The following NRG3 variants were observed in gnomAD, a reference collection of about 807,000 sequenced individuals.
NRG3 encodes neuregulin 3, also known as pro-neuregulin-3, membrane-bound isoform.
Under a neutral mutation model 66.9 loss-of-function variants are expected in NRG3, and 31 were observed. The ratio of observed to expected loss-of-function variants is 0.46; its 90% CI spans 0.35 to 0.63. The LOEUF (loss-of-function observed/expected upper bound fraction) is 0.63, where lower values mean the gene tolerates loss of function less well. NRG3 is among the 20% of genes least tolerant of loss of function. NRG3 has a pLI of 0.00. For synonymous variants in NRG3, 393 were observed against 359.4 expected (o/e 1.09, Z -1.06); for missense variants, 910 against 878.9 (o/e 1.04, Z -0.45).
intron 2 of NRG3, among the ~76,000 whole-genome samples, chr10:82,386,799 T>C (rs912035563): frequency 6.6e-6 from 1 of 152,058 alleles, no homozygotes; most frequent in African/African-American, 2.4e-5. Flanking sequence ...TCTTTTTATT[T>C]ATTTATTTAT....
intron 1 of NRG3, among the ~76,000 whole-genome samples, chr10:81,903,527 T>C (rs1217282714): frequency 2.0e-5 from 3 of 152,220 alleles, no homozygotes; most frequent in Admixed American, 2.0e-4. Context: ...TCCAGCCAAA[T>C]TGTTGCCTCT....
intron 2 of NRG3, among the ~76,000 whole-genome samples, chr10:82,610,601 A>G (rs1178837876): frequency 6.6e-6 from 1 of 152,192 alleles, no homozygotes; most frequent in Non-Finnish European, 1.5e-5. Context: ...AGAATTCCAC[A>G]TAATTTTGTA....
chr10:82,355,929 A>G, intron 1 of NRG3, among the ~76,000 whole-genome samples: 1 of 152,188 alleles, frequency 6.6e-6, no homozygotes. Context: ...AGTTATAATA[A>G]TGTTGTTTTC....
At chr10:82,082,654 A>G (rs2065460947) in intron 1 of NRG3, among the ~76,000 whole-genome samples, 2 of 152,188 alleles carry the variant, frequency 1.3e-5, no homozygotes, top group Non-Finnish European at 2.9e-5. Context: ...GAATGAGGGA[A>G]GGTGTGGTCA....
chr10:81,970,388 A>G (rs576224855), intron 1 of NRG3, among the ~76,000 whole-genome samples: 3 of 152,344 alleles, frequency 2.0e-5, no homozygotes, highest in East Asian at 3.9e-4. Flanking sequence ...AACAAGACCT[A>G]TGATTCATTT....
intron 3 of NRG3, among the ~76,000 whole-genome samples, chr10:82,781,145 C>G (rs2060104179): frequency 6.6e-6 from 1 of 152,140 alleles, no homozygotes; most frequent in African/African-American, 2.4e-5. Context: ...CAATCCTTAA[C>G]CAGTCTACCT....
rs1253395455 is a variant in NRG3, at chr10:82,346,593, G to A, written c.824-12146G>A. 2.0e-5 allele frequency among the ~76,000 whole-genome samples: 3 copies of A among 152,100 alleles called. No homozygotes were observed. The East Asian group carries it at 5.8e-4, about 29-fold the overall frequency. On this transcript the variant is annotated intron_variant, in intron 1 of 8. Transcript: ENST00000372141. ...TGCTGGCCTCATAAAACGAGTTAGG[G>A]AGGATTCCCTCTTTTTCTATTGATT...
chr10:82,692,103 A>G (rs2054977569), intron 2 of NRG3, among the ~76,000 whole-genome samples: 1 of 152,050 alleles, frequency 6.6e-6, no homozygotes, highest in Non-Finnish European at 1.5e-5. Flanking sequence ...TCTCTACAAA[A>G]ATTAGCCAGG....
At chr10:82,358,904 C>T (rs747869353) in intron 2 of NRG3, 36 bp downstream of exon 2, 2 of 1,613,474 alleles carry the variant, frequency 1.2e-6, no homozygotes, top group African/African-American at 2.7e-5. Context: ...AAGGGCAGGC[C>T]CGTTGCAAGG....
intron 1 of NRG3, among the ~76,000 whole-genome samples, chr10:82,258,143 G>T (rs1185057717): frequency 6.6e-6 from 1 of 152,192 alleles, no homozygotes; most frequent in African/African-American, 2.4e-5. Context: ...TGCTGTAGGT[G>T]CTGTACGAGA....
intron 3 of NRG3, among the ~76,000 whole-genome samples, chr10:82,823,657 G>A (rs193178): frequency 7.3e-5 from 11 of 151,692 alleles, no homozygotes; most frequent in Admixed American, 2.0e-4. Context: ...TTGCCTTTGC[G>A]GAGGAGAGCT....
At chr10:82,227,003 A>G (rs868600057) in intron 1 of NRG3, among the ~76,000 whole-genome samples, 4 of 152,224 alleles carry the variant, frequency 2.6e-5, no homozygotes, top group Non-Finnish European at 5.9e-5. Flanking sequence ...TATATGTGCT[A>G]TAACATATTG....
At chr10:82,200,212 A>T (rs2074717676) in intron 1 of NRG3, among the ~76,000 whole-genome samples, 1 of 152,190 alleles carries the variant, frequency 6.6e-6, no homozygotes, top group South Asian at 2.1e-4. Context: ...TTCAATTATT[A>T]GTGCAATTGG....
At chr10:81,878,762 C>T (rs561009187) in intron 1 of NRG3, among the ~76,000 whole-genome samples, 4 of 152,146 alleles carry the variant, frequency 2.6e-5, no homozygotes, top group Admixed American at 6.5e-5. Flanking sequence ...ATGATGCTTT[C>T]GTTTTTTGAC....
In NRG3 at chr10:82,234,540, A is replaced by G. The variant is rs7074104; in HGVS notation, c.824-124199A>G. ...AGTTCAATCACAGAGTAATAACATT[A>G]TAGGCAATCAAGGGTAGACACATGC... On this transcript the variant is annotated intron_variant, in intron 1 of 8. Transcript: ENST00000372141. Among the ~76,000 whole-genome samples the G allele has an allele frequency of 8.7e-3, 1,323 of 152,342 alleles. 13 individuals are homozygous for G. The highest frequency in any genetic ancestry group is 0.03 in the African/African-American group (1,241 of 41,590).
chr10:82,427,661 T>C (rs2089533243), intron 2 of NRG3, among the ~76,000 whole-genome samples: 1 of 152,140 alleles, frequency 6.6e-6, no homozygotes, highest in African/African-American at 2.4e-5. Flanking sequence ...TTCATGTTTG[T>C]TTTGCTTTTC....
chr10:82,141,647 A>T (rs887172730), intron 1 of NRG3, among the ~76,000 whole-genome samples: 5 of 152,130 alleles, frequency 3.3e-5, no homozygotes, highest in Non-Finnish European at 7.3e-5. Flanking sequence ...ATAAAAAAAA[A>T]ATCACAGTGA....
chr10:81,965,412 T>C (rs1210407452), intron 1 of NRG3, among the ~76,000 whole-genome samples: 7 of 152,190 alleles, frequency 4.6e-5, no homozygotes, highest in Non-Finnish European at 8.8e-5. Flanking sequence ...TTAATAGAGT[T>C]TATATTTTTT....
chr10:82,968,679 G>GGGAGGGAGGCAA (rs1851439790), intron 6 of NRG3, among the ~76,000 whole-genome samples: 1 of 151,542 alleles, frequency 6.6e-6, no homozygotes, highest in Non-Finnish European at 1.5e-5. Flanking sequence ...GAGGGAGGCA[G>GGGAGGGAGGCAA]GGAGGGAGGA....
Sources: allele counts gnomAD v4.1 joint callset (sites outside exome capture counted in the v4.1 genomes callset), GRCh38; gene constraint gnomAD v4.1.1; transcripts MANE v1.5; gene names NCBI Gene and HGNC (gene_info 2026-07-23, HGNC 2026-07-21).